Variants in CEP112 observed in about 807,000 individuals in gnomAD.
The protein encoded by CEP112 is centrosomal protein of 112 kDa.
Under a neutral mutation model 153.0 loss-of-function variants are expected in CEP112, and 127 were observed. The observed-to-expected ratio is 0.83, with a 90% CI of 0.72 to 0.96. The LOEUF (loss-of-function observed/expected upper bound fraction) is 0.96. Ranked by LOEUF, CEP112 falls within the 40% of genes least tolerant of loss-of-function variation. The probability of loss-of-function intolerance (pLI) is 0.00; values close to 1 mark genes in which losing one functional copy is unlikely to be tolerated. For synonymous variants in CEP112, 358 were observed against 374.4 expected (o/e 0.96, Z 0.51); for missense variants, 1,089 against 1,101.2 (o/e 0.99, Z 0.16).
At chr17:65,873,392 G>A (rs2058726772) in intron 20 of CEP112, 1 of 152,116 alleles carries the variant, frequency 6.6e-6, no homozygotes, top group South Asian at 2.1e-4. Flanking sequence ...GACTCTTGAA[G>A]TTCATTCCTT....
chr17:65,963,432 C>G (rs1254311023), intron 17 of CEP112, among the ~76,000 whole-genome samples: 1 of 152,054 alleles, frequency 6.6e-6, no homozygotes, highest in African/African-American at 2.4e-5. Flanking sequence ...AAAATCCACT[C>G]TAAGACACAA....
intron 8 of CEP112, among the ~76,000 whole-genome samples, chr17:66,094,599 T>G (rs2068266096): frequency 6.6e-6 from 1 of 152,118 alleles, no homozygotes; most frequent in Non-Finnish European, 1.5e-5. Flanking sequence ...GCAATGATGT[T>G]TTGGATATGA....
intron 22 of CEP112, among the ~76,000 whole-genome samples, chr17:65,746,262 C>T (rs1285454617): frequency 1.3e-5 from 2 of 150,598 alleles, no homozygotes; most frequent in Non-Finnish European, 2.9e-5. Flanking sequence ...GAAGGACGTG[C>T]TTGCTTTTGT....
chr17:66,026,713 C>T (rs1199269170), intron 16 of CEP112, among the ~76,000 whole-genome samples: 3 of 152,138 alleles, frequency 2.0e-5, no homozygotes, highest in Non-Finnish European at 4.4e-5. Context: ...TTGCATATAA[C>T]CTACACACAT....
chr17:65,965,582 G>A (rs1445814675), intron 17 of CEP112, among the ~76,000 whole-genome samples: 2 of 146,966 alleles, frequency 1.4e-5, no homozygotes, highest in Non-Finnish European at 3.0e-5. Flanking sequence ...GAGTGCAGTG[G>A]CACAATCAGG....
chr17:65,825,114 TGTG>T (rs1459608480), intron 21 of CEP112, among the ~76,000 whole-genome samples: 3 of 152,218 alleles, frequency 2.0e-5, no homozygotes, highest in Admixed American at 6.5e-5. Context: ...ATGAACAAAA[TGTG>T]GTATACACAT....
At chr17:66,175,691 A>G (rs1456277329) in intron 3 of CEP112, among the ~76,000 whole-genome samples, 1 of 152,210 alleles carries the variant, frequency 6.6e-6, no homozygotes, top group Non-Finnish European at 1.5e-5. Flanking sequence ...CCTGGGATTT[A>G]GTTCTGGCCA....
At chr17:66,000,282 C>A (rs1372382732) in intron 17 of CEP112, among the ~76,000 whole-genome samples, 1 of 148,042 alleles carries the variant, frequency 6.8e-6, no homozygotes, top group Middle Eastern at 3.3e-3. Context: ...GATGGTATCT[C>A]ATTGTGGTTT....
At chr17:65,637,837 G>A (rs988771383) in intron 25 of CEP112, among the ~76,000 whole-genome samples, 1 of 152,212 alleles carries the variant, frequency 6.6e-6, no homozygotes, top group African/African-American at 2.4e-5. Flanking sequence ...TTCACTAGCT[G>A]TTGAATGAAT....
At chr17:65,836,120 A>C (rs1163519629) in intron 21 of CEP112, among the ~76,000 whole-genome samples, 1 of 152,258 alleles carries the variant, frequency 6.6e-6, no homozygotes, top group Non-Finnish European at 1.5e-5. Context: ...AAGTAAATAC[A>C]CTAAAAATAG....
intron 23 of CEP112, among the ~76,000 whole-genome samples, chr17:65,736,079 G>T (rs4791136): frequency 0.12 from 18,881 of 152,054 alleles, 2,164 homozygotes; most frequent in African/African-American, 0.3. Context: ...AGTGATTCTA[G>T]ATAAGGGTGA....
At chr17:66,114,081 G>A (rs776071465) in intron 6 of CEP112, among the ~76,000 whole-genome samples, 2 of 152,270 alleles carry the variant, frequency 1.3e-5, no homozygotes, top group East Asian at 1.9e-4. Context: ...CACTGAAGTC[G>A]AAGAAAATAT....
intron 20 of CEP112, among the ~76,000 whole-genome samples, chr17:65,891,699 A>G (rs921341557): frequency 2.6e-5 from 4 of 152,146 alleles, no homozygotes; most frequent in Non-Finnish European, 5.9e-5. Context: ...AATGCAATTC[A>G]AACTCTTCAC....
chr17:65,811,854 C>T (rs1427123548), intron 21 of CEP112, among the ~76,000 whole-genome samples: 1 of 152,100 alleles, frequency 6.6e-6, no homozygotes, highest in Non-Finnish European at 1.5e-5. Flanking sequence ...TCTGTAATAA[C>T]AGAATGCCTC....
In CEP112 at chr17:65,774,735, T is replaced by A. The variant is rs533781886; in HGVS notation, c.2395-24011A>T. 1.3e-4 allele frequency among the ~76,000 whole-genome samples: 19 copies of A among 151,854 alleles called. No homozygotes were observed. The South Asian group carries it at 3.5e-3, about 28-fold the overall frequency. Reference sequence around the variant, plus strand: ...ACATGCCATCCTGGAACCAGGGGAGTGACTGAGGCCTGAGGTGATGAAAGG... The same window carrying A: ...ACATGCCATCCTGGAACCAGGGGAGAGACTGAGGCCTGAGGTGATGAAAGG... On this transcript the variant is annotated intron_variant, in intron 21 of 26. Coordinates refer to ENST00000535342, the MANE Select transcript of CEP112 (RefSeq NM_001199165.4).
intron 21 of CEP112, among the ~76,000 whole-genome samples, chr17:65,833,104 A>C (rs569801585): frequency 1.3e-4 from 20 of 152,206 alleles, no homozygotes; most frequent in Admixed American, 3.9e-4. Flanking sequence ...AAAGACAAAA[A>C]CCACATGATT....
chr17:65,800,165 A>AAC (rs2145813836), intron 21 of CEP112, among the ~76,000 whole-genome samples: 1 of 152,184 alleles, frequency 6.6e-6, no homozygotes, highest in Non-Finnish European at 1.5e-5. Flanking sequence ...TTAAGAGTAT[A>AAC]CATTTTAATG....
chr17:65,858,878 A>G (rs1375765719), intron 20 of CEP112, among the ~76,000 whole-genome samples: 14 of 152,324 alleles, frequency 9.2e-5, no homozygotes, highest in African/African-American at 3.4e-4. Context: ...TATAAGCCAC[A>G]AAAGTAGATA....
At chr17:65,938,897 C>T (rs958831905) in intron 18 of CEP112, among the ~76,000 whole-genome samples, 9 of 152,032 alleles carry the variant, frequency 5.9e-5, no homozygotes, top group East Asian at 1.9e-4. Flanking sequence ...CTGCAACCTC[C>T]GCCTCCCAGG....
Sources: gnomAD v4.1 joint callset for allele counts (sites outside exome capture counted in the v4.1 genomes callset) on GRCh38, gnomAD v4.1.1 for gene constraint, MANE v1.5 for transcripts, NCBI Gene and HGNC (gene_info 2026-07-23, HGNC 2026-07-21) for gene names.